The following RLN2 variants were observed in gnomAD, a reference collection of about 807,000 sequenced individuals.
RLN2 encodes the protein relaxin 2.
A neutral mutation model predicts 7.3 loss-of-function variants in RLN2; 10 were observed. That is an observed-to-expected ratio of 1.36 (90% confidence interval 0.84 to 2.31). The LOEUF (loss-of-function observed/expected upper bound fraction) is 2.31, where lower values mean the gene tolerates loss of function less well. RLN2 is among the 30% of genes most tolerant of loss of function. The pLI is 0.00. For missense variants in RLN2, 298 were observed against 217.6 expected (o/e 1.37, Z -2.32); for synonymous variants, 103 against 82.3 (o/e 1.25, Z -1.36).
At chr9:5,327,211 C>A in the RLN2 span, among the ~76,000 whole-genome samples, 1 of 152,206 alleles carries the variant, frequency 6.6e-6, no homozygotes, top group South Asian at 2.1e-4. Flanking sequence ...CCTTTTCCAA[C>A]AGTCTTAGCA....
the RLN2 span, among the ~76,000 whole-genome samples, chr9:5,318,767 G>C: frequency 2.6e-5 from 4 of 151,816 alleles, no homozygotes; most frequent in Non-Finnish European, 5.9e-5. Flanking sequence ...AATAAGCTGG[G>C]AACAGGATCA....
the RLN2 span, among the ~76,000 whole-genome samples, chr9:5,312,932 T>C: frequency 1.3e-5 from 2 of 152,108 alleles, no homozygotes; most frequent in East Asian, 3.8e-4. Flanking sequence ...GACATTGTGG[T>C]ATCAAAAAAT....
At chr9:5,335,004 C>G in the RLN2 span, 2 of 359,490 alleles carry the variant, frequency 5.6e-6, 1 homozygote, top group African/African-American at 4.2e-5. Flanking sequence ...TTTAAGTTAA[C>G]AGCATTAAAA....
At chr9:5,328,871 C>G in the RLN2 span, among the ~76,000 whole-genome samples, 2 of 151,954 alleles carry the variant, frequency 1.3e-5, no homozygotes, top group South Asian at 4.1e-4. Flanking sequence ...CCTTTACAGA[C>G]AAGAAAATGC....
chr9:5,331,524 G>A, the RLN2 span, among the ~76,000 whole-genome samples: 2 of 151,904 alleles, frequency 1.3e-5, no homozygotes, highest in Non-Finnish European at 2.9e-5. Flanking sequence ...GCAGGGACAT[G>A]GATGAAGTTG....
chr9:5,330,826 A>G, the RLN2 span, among the ~76,000 whole-genome samples: 1 of 151,194 alleles, frequency 6.6e-6, no homozygotes, highest in Non-Finnish European at 1.5e-5. Flanking sequence ...TTTTGAAAAG[A>G]TCAACAAAAT....
At chr9:5,329,217 G>A in the RLN2 span, among the ~76,000 whole-genome samples, 1 of 149,838 alleles carries the variant, frequency 6.7e-6, no homozygotes, top group South Asian at 2.1e-4. Context: ...GCAGGAGAAT[G>A]GCGTGAACCC....
Position 5,304,384 on chromosome 9 carries a change from G to C in RLN2, c.197C>G (p.Pro66Arg), listed in dbSNP as rs750619608. The part of the protein sequence containing the change: ...SLSQEDAPQT[P>R]RPVAEIVPSF... Reference sequence around the variant, plus strand: ...GGAGCTCTCACCTGCCACTGGTCTAGGTGTCTGAGGAGCATCTTCCTGGCT... The same window carrying C: ...GGAGCTCTCACCTGCCACTGGTCTACGTGTCTGAGGAGCATCTTCCTGGCT... Residue 66 changes from proline to arginine, a missense_variant, in exon 1 of 2, where the codon CCT (proline) becomes CGT (arginine). By Grantham distance (103) the Pro-to-Arg change is moderately radical. Coordinates refer to ENST00000381627, the MANE Select transcript of RLN2 (RefSeq NM_134441.3). 8 of 1,601,338 alleles carry C rather than the reference G, an allele frequency of 5.0e-6. No homozygotes were observed. The highest frequency in any genetic ancestry group is 1.4e-5 in the African/African-American group (1 of 71,898).
chr9:5,306,416 T>C (rs567907243), upstream of RLN2, among the ~76,000 whole-genome samples: 5 of 152,108 alleles, frequency 3.3e-5, no homozygotes, highest in East Asian at 1.9e-4. Context: ...CATGGTTTTA[T>C]AGAGTCCTTA....
chr9:5,327,780 T>G, the RLN2 span, among the ~76,000 whole-genome samples: 8 of 151,956 alleles, frequency 5.3e-5, 1 homozygote, highest in African/African-American at 1.9e-4. Context: ...GGTTCTAGAG[T>G]GGACTTCTGG....
chr9:5,330,616 C>G, the RLN2 span, among the ~76,000 whole-genome samples: 2 of 123,784 alleles, frequency 1.6e-5, no homozygotes, highest in Non-Finnish European at 3.2e-5. Context: ...CCAGCCTGGG[C>G]GACAGAGCAA....
the RLN2 span, among the ~76,000 whole-genome samples, chr9:5,323,212 G>C: frequency 6.6e-6 from 1 of 151,818 alleles, no homozygotes; most frequent in East Asian, 1.9e-4. Flanking sequence ...ATCTGTCTCA[G>C]TCATCTGGCT....
chr9:5,335,360 T>C, the RLN2 span: 1 of 1,613,574 alleles, frequency 6.2e-7, no homozygotes, highest in Non-Finnish European at 8.5e-7. Context: ...CAAGCCTAAG[T>C]ATTTTAATTC....
the RLN2 span, among the ~76,000 whole-genome samples, chr9:5,329,228 G>A: frequency 4.0e-5 from 6 of 149,052 alleles, no homozygotes; most frequent in Non-Finnish European, 7.4e-5. Flanking sequence ...GCGTGAACCC[G>A]GGAAGCGGAG....
chr9:5,336,997 A>G, the RLN2 span, among the ~76,000 whole-genome samples: 2 of 151,756 alleles, frequency 1.3e-5, no homozygotes, highest in African/African-American at 2.4e-5. Flanking sequence ...TAAAAAACAA[A>G]ACAAAACAAA....
chr9:5,328,255 C>T, the RLN2 span, among the ~76,000 whole-genome samples: 1 of 151,902 alleles, frequency 6.6e-6, no homozygotes, highest in Non-Finnish European at 1.5e-5. Flanking sequence ...ATGAGAACTT[C>T]GTGACGCATG....
rs567206859 is a variant in RLN2, at chr9:5,302,455, C to G, written c.211+1915G>C. Among the ~76,000 whole-genome samples the G allele has an allele frequency of 3.3e-5, 5 of 152,298 alleles. No homozygotes were observed. In the South Asian group the frequency reaches 1.0e-3, roughly 32 times the overall value. ...ATAGCAACTACCTAACAGTAGAAGTCTGAAAACTCAAATTAATCACAAATT... is the reference window on the plus strand; with the variant it reads ...ATAGCAACTACCTAACAGTAGAAGTGTGAAAACTCAAATTAATCACAAATT... On this transcript the variant is annotated intron_variant, in intron 1 of 1. Coordinates refer to ENST00000381627, the MANE Select transcript of RLN2 (RefSeq NM_134441.3).
rs571818918 is a variant in RLN2, at chr9:5,301,824, G to C, written c.212-1380C>G. The stretch of plus-strand genomic sequence containing the variant: ...CAAAAAAATTCAACAATTGGAGTTT[G>C]ACAGAGGAATAAAAAAAAACAAACT... On this transcript the variant is annotated intron_variant, in intron 1 of 1. Coordinates refer to ENST00000381627, the MANE Select transcript of RLN2 (RefSeq NM_134441.3). Among the ~76,000 whole-genome samples, 4 of 151,748 alleles carry C rather than the reference G, an allele frequency of 2.6e-5. No homozygotes were observed. The South Asian group carries it at 8.3e-4, about 31-fold the overall frequency.
the RLN2 span, among the ~76,000 whole-genome samples, chr9:5,331,331 G>C: frequency 6.6e-6 from 1 of 151,930 alleles, no homozygotes; most frequent in African/African-American, 2.4e-5. Context: ...ACATCGATGA[G>C]AAAATCCTCA....
Sources: gnomAD v4.1 joint callset for allele counts (sites outside exome capture counted in the v4.1 genomes callset) on GRCh38, gnomAD v4.1.1 for gene constraint, MANE v1.5 for transcripts, NCBI Gene and HGNC (gene_info 2026-07-23, HGNC 2026-07-21) for gene names.